Variants in DCDC2B observed in about 807,000 individuals in gnomAD.
The protein encoded by DCDC2B is doublecortin domain-containing protein 2B.
A neutral mutation model predicts 38.9 loss-of-function variants in DCDC2B; 41 were observed. The ratio of observed to expected loss-of-function variants is 1.05; its 90% CI spans 0.82 to 1.37. The LOEUF is 1.37. Among genes scored for constraint, DCDC2B ranks in the 40% most tolerant of loss-of-function variants. The pLI, the probability that DCDC2B is intolerant of heterozygous loss-of-function variation, is 0.00. For missense variants in DCDC2B, 453 were observed against 427.2 expected (o/e 1.06, Z -0.53); for synonymous variants, 181 against 171.9 (o/e 1.05, Z -0.41).
At chr1:32,211,864 G>A in intron 3 of DCDC2B, 27 bp downstream of exon 3, 1 of 1,591,686 alleles carries the variant, frequency 6.3e-7, no homozygotes, top group South Asian at 1.1e-5. Flanking sequence ...GGGAGCAGGG[G>A]TGTTGATGTT....
intron 4 of DCDC2B, 51 bp downstream of exon 4, chr1:32,212,252 A>G (rs1643618074): frequency 6.3e-7 from 1 of 1,598,588 alleles, no homozygotes. Context: ...GAGCCTCGCC[A>G]CTGGCTTCAG....
chr1:32,214,312 C>CAAAAAAAAAA (rs58837364), intron 6 of DCDC2B, among the ~76,000 whole-genome samples: 2 of 51,956 alleles, frequency 3.8e-5, no homozygotes, highest in Admixed American at 1.7e-4. Context: ...ACTCAAGTCT[C>CAAAAAAAAAA]AAAAAAAAAA....
At chr1:32,213,497 C>A (rs1377627280) in intron 6 of DCDC2B, among the ~76,000 whole-genome samples, 1 of 150,266 alleles carries the variant, frequency 6.7e-6, no homozygotes, top group Non-Finnish European at 1.5e-5. Context: ...CCACCACACC[C>A]GGCTAATTTT....
intron 1 of DCDC2B, among the ~76,000 whole-genome samples, chr1:32,210,732 C>T (rs917512962): frequency 6.6e-6 from 1 of 150,662 alleles, no homozygotes; most frequent in African/African-American, 2.5e-5. Flanking sequence ...TTTTTTGAGA[C>T]AGGGTCTTGC....
At position 32,215,835 on chromosome 1, in the gene DCDC2B, C is replaced by T; in HGVS notation, c.988C>T (p.Leu330=). 1.9e-6 allele frequency: 3 copies of T among 1,553,156 alleles called. No individual in the cohort carries two copies. In the South Asian group the frequency reaches 3.6e-5, roughly 18 times the overall value. Residue 330 remains leucine, a synonymous_variant, in exon 9 of 9, where the codon CTG becomes TTG. Coordinates refer to ENST00000409358, the MANE Select transcript of DCDC2B (RefSeq NM_001099434.2). ...AAQIVEEALS[L]ENQPGAGAAI... ...ACAGATAGTGGAAGAGGCCTTGTCC[C>T]TGGAAAACCAGCCTGGGGCTGGGGC...
At position 32,211,764 on chromosome 1, in the gene DCDC2B, C is replaced by T; in HGVS notation, c.322C>T (p.Pro108Ser). The T allele has an allele frequency of 6.2e-7, 1 of 1,606,430 alleles. No homozygotes were observed. Residue 108 changes from proline (P) to serine (S), a missense_variant, in exon 3 of 9, where the codon CCT (proline) becomes TCT (serine). Physicochemically the swap from Pro to Ser is moderately conservative, Grantham distance 74. Coordinates refer to ENST00000409358, the MANE Select transcript of DCDC2B (RefSeq NM_001099434.2). ...GGAGGCCTGACATGGGTTTCAGGGT[C>T]CTCCCGTGACTCGCCACTTGTGTGA... ...PGGKSCRLQG[P>S]PVTRHLCDGA... is the part of the protein sequence containing the mutation.
rs1357109321 is a variant in DCDC2B at position 32,212,165 on chromosome 1, C to T, written c.491C>T (p.Thr164Ile). ...TGGGAAACTGTGTTGAAGCTCCTGA[C>T]TGAGAAGGTCAAGTTGCAGAGTGGG... is the stretch of plus-strand genomic sequence containing the variant. Reference protein sequence around the residue: ...QDWETVLKLLTEKVKLQSGAV... With the variant: ...QDWETVLKLLIEKVKLQSGAV... Residue 164 changes from threonine to isoleucine, a missense_variant, in exon 4 of 9, where the codon ACT becomes ATT. Coordinates refer to ENST00000409358, the MANE Select transcript of DCDC2B (RefSeq NM_001099434.2). 6.2e-7 allele frequency: 1 copy of T among 1,613,768 alleles called. No individual in the cohort carries two copies. Among genetic ancestry groups the T allele is most frequent in the South Asian group, 1.1e-5 (1 of 91,072 alleles).
chr1:32,212,562 C>T lies in DCDC2B; in HGVS notation c.600C>T (p.Val200=), dbSNP rs762349595. The T allele has an allele frequency of 4.3e-6, 7 of 1,614,030 alleles. No individual in the cohort carries two copies. The highest frequency in any genetic ancestry group is 1.6e-4 in the Middle Eastern group (1 of 6,062). ...ELVTGHYYVA[V]GEDEFKDLPY... ...TAACTGGCCATTACTATGTGGCTGT[C>T]GGAGAGGATGAGTTCAAGGACCTTC... The change falls in exon 5 of 9, where the codon GTC becomes GTT. Residue 200 remains valine (V), a synonymous_variant. Coordinates refer to ENST00000409358, the MANE Select transcript of DCDC2B (RefSeq NM_001099434.2).
Position 32,212,486 on chromosome 1 carries a change from C to A in DCDC2B, c.528-4C>A, listed in dbSNP as rs1309049294. The A allele has an allele frequency of 6.2e-7, 1 of 1,613,900 alleles. No homozygotes were observed. The highest frequency in any genetic ancestry group is 1.7e-5 in the Admixed American group (1 of 60,020). On this transcript the variant is annotated splice_polypyrimidine_tract_variant and splice_region_variant and intron_variant, in intron 4 of 8. Coordinates refer to ENST00000409358, the MANE Select transcript of DCDC2B (RefSeq NM_001099434.2). ...CCCTTATCCTCCTCACCTCTCTCTC[C>A]CAGACTCTGCACCCTAGAGGGGCTC... is the stretch of plus-strand genomic sequence containing the variant.
intron 2 of DCDC2B, 67 bp from the exon 3 acceptor site, chr1:32,211,694 T>G (rs972830570): frequency 5.9e-6 from 9 of 1,525,014 alleles, no homozygotes; most frequent in South Asian, 1.2e-5. Context: ...ACTCCACACC[T>G]TGGATGGGCC....
At chr1:32,215,288 G>T (rs1395641050) in intron 7 of DCDC2B, 152 bp from the exon 8 acceptor site, 5 of 673,010 alleles carry the variant, frequency 7.4e-6, no homozygotes, top group African/African-American at 1.8e-5. Flanking sequence ...TGGGACCAAA[G>T]GCCCACCTCT....
chr1:32,213,503 ATT>A (rs4012160), intron 6 of DCDC2B, among the ~76,000 whole-genome samples: 53 of 116,556 alleles, frequency 4.5e-4, no homozygotes, highest in African/African-American at 1.0e-3. Context: ...CACCCGGCTA[ATT>A]TTTTTTTTTT....
chr1:32,216,015 C>T lies in DCDC2B; in HGVS notation c.*118C>T, dbSNP rs187918968. 430 of 888,708 alleles carry T rather than the reference C, an allele frequency of 4.8e-4. No individual in the cohort carries two copies. The highest frequency in any genetic ancestry group is 1.1e-3 in the Admixed American group (47 of 41,178). 55.1% of individuals were successfully genotyped at this position (888,708 alleles called of 1,614,324 possible). On this transcript the variant is annotated 3_prime_UTR_variant, in exon 9 of 9. Transcript: ENST00000409358. Reference sequence around the variant, plus strand: ...TCCGCTGGGCTCACAGGGTACACTGCGGCCTCCTCAGCCCTCCCCGTTCTC... The same window carrying T: ...TCCGCTGGGCTCACAGGGTACACTGTGGCCTCCTCAGCCCTCCCCGTTCTC...
intron 3 of DCDC2B, 84 bp from the exon 4 acceptor site, chr1:32,211,985 TG>T: frequency 1.3e-6 from 2 of 1,553,610 alleles, no homozygotes; most frequent in Non-Finnish European, 1.7e-6. Context: ...ACCAGTGTTA[TG>T]GTTATTGCTG....
chr1:32,212,270 TGAG>T (rs1276986192), intron 4 of DCDC2B, 69 bp downstream of exon 4: 76 of 1,588,244 alleles, frequency 4.8e-5, no homozygotes, highest in Middle Eastern at 2.2e-4. Context: ...CAGCTGTGGC[TGAG>T]GATGAAGAGG....
rs940703939 is a variant in DCDC2B at position 32,215,894 on chromosome 1, T to C, written c.1047T>C (p.Ser349=). 14 of 1,550,756 alleles carry C rather than the reference T, an allele frequency of 9.0e-6. No individual in the cohort carries two copies. In the African/African-American group the frequency reaches 1.9e-4, roughly 21 times the overall value. The change falls in exon 9 of 9, where the codon TCT becomes TCC. Residue 349 remains serine, a synonymous_variant. Coordinates refer to ENST00000409358, the MANE Select transcript of DCDC2B (RefSeq NM_001099434.2). ...CAGCCTCAGCCCCAGCTCTGCCATC[T>C]TGAGAGCCAGCAGCTCCAGAGGGCA... The part of the protein sequence containing the change: ...AISASAPALP[S]
intron 1 of DCDC2B, among the ~76,000 whole-genome samples, chr1:32,210,325 TAAAAAAA>T (rs905848009): frequency 1.0e-4 from 8 of 78,746 alleles, no homozygotes; most frequent in African/African-American, 1.5e-4. Context: ...AAACTCCATC[TAAAAAAA>T]AAAAAAAAAA....
intron 1 of DCDC2B, 101 bp from the exon 2 acceptor site, chr1:32,211,171 G>A (rs1292851467): frequency 1.9e-6 from 2 of 1,049,798 alleles, no homozygotes; most frequent in African/African-American, 3.1e-5. Context: ...TCCATGGGGA[G>A]GGATATCTGG....
Position 32,209,219 on chromosome 1 carries a change from G to C in DCDC2B, c.126G>C (p.Glu42Asp). The change falls in exon 1 of 9, where the codon GAG becomes GAC. Residue 42 changes from glutamate to aspartate, a missense_variant. By Grantham distance (45) the Glu-to-Asp change is conservative. Transcript: ENST00000409358. ...CCACCATGGAGGCCTTCCTCTGCGA[G>C]GTGACATCAGCTGTGCAGGCCCCAC... Reference protein sequence around the residue: ...RFPTMEAFLCEVTSAVQAPLA... With the variant: ...RFPTMEAFLCDVTSAVQAPLA... 1.9e-6 allele frequency: 3 copies of C among 1,614,004 alleles called. No homozygotes were observed. Among genetic ancestry groups the C allele is most frequent in the Non-Finnish European group, 2.5e-6 (3 of 1,179,886 alleles).
Sources: allele counts gnomAD v4.1 joint callset (sites outside exome capture counted in the v4.1 genomes callset), GRCh38; gene constraint gnomAD v4.1.1; transcripts MANE v1.5; gene names NCBI Gene and HGNC (gene_info 2026-07-23, HGNC 2026-07-21).